The following SSH2 variants were observed in gnomAD, a reference collection of about 807,000 sequenced individuals.
SSH2 encodes the protein slingshot protein phosphatase 2.
A neutral mutation model predicts 135.2 loss-of-function variants in SSH2; 37 were observed. That is an observed-to-expected ratio of 0.27 (90% confidence interval 0.21 to 0.36). The LOEUF (loss-of-function observed/expected upper bound fraction) is 0.36, where lower values mean the gene tolerates loss of function less well. Among genes scored for constraint, SSH2 ranks in the 10% least tolerant of loss-of-function variants. SSH2 has a pLI of 1.00. For synonymous variants in SSH2, 628 were observed against 646.2 expected, an observed-to-expected ratio of 0.97 and a Z score of 0.43; for missense variants, 1,408 against 1,765.3, an observed-to-expected ratio of 0.80 and a Z score of 3.63.
intron 1 of SSH2, among the ~76,000 whole-genome samples, chr17:29,919,002 C>A (rs946895460): frequency 9.2e-5 from 14 of 151,804 alleles, no homozygotes; most frequent in Non-Finnish European, 2.1e-4. Context: ...GTTTGCTGAC[C>A]AATTCCCACT....
At chr17:29,912,573 G>GA (rs1344314261) in intron 1 of SSH2, among the ~76,000 whole-genome samples, 2 of 151,858 alleles carry the variant, frequency 1.3e-5, no homozygotes, top group Non-Finnish European at 2.9e-5. Context: ...CAAAAACTAA[G>GA]AAAAAATAGC....
intron 1 of SSH2, among the ~76,000 whole-genome samples, chr17:29,913,348 A>AAAAT (rs1491105093): frequency 7.3e-5 from 1 of 13,694 alleles, no homozygotes; most frequent in East Asian, 5.9e-3. Flanking sequence ...AAAAAAAAAA[A>AAAAT]TATATATATA....
intron 14 of SSH2, among the ~76,000 whole-genome samples, chr17:29,638,483 G>A (rs2036008687): frequency 6.7e-6 from 1 of 149,570 alleles, no homozygotes; most frequent in South Asian, 2.1e-4. Flanking sequence ...AAATACTTCT[G>A]GGGAAGGCTT....
intron 1 of SSH2, among the ~76,000 whole-genome samples, chr17:29,921,946 G>A (rs1180228605): frequency 6.6e-6 from 1 of 152,128 alleles, no homozygotes; most frequent in African/African-American, 2.4e-5. Flanking sequence ...AATAAAACAA[G>A]TACAGTAGAA....
chr17:29,816,271 G>C (rs1040032488), intron 2 of SSH2, among the ~76,000 whole-genome samples: 3 of 152,068 alleles, frequency 2.0e-5, no homozygotes, highest in African/African-American at 7.2e-5. Flanking sequence ...TTACTTAACG[G>C]GAAGTAATAT....
intron 3 of SSH2, chr17:29,775,893 T>C (rs1398251242): frequency 6.6e-6 from 1 of 152,190 alleles, no homozygotes; most frequent in Non-Finnish European, 1.5e-5. Context: ...TAGCAGGAAT[T>C]TGGATCATGA....
chr17:29,761,502 G>T, intron 3 of SSH2: 1 of 911,970 alleles, frequency 1.1e-6, no homozygotes, highest in Non-Finnish European at 1.3e-6. Flanking sequence ...AGAGCGGAGA[G>T]GGTAGGCCCG....
chr17:29,679,208 T>C (rs2037861558), intron 6 of SSH2, among the ~76,000 whole-genome samples: 1 of 151,954 alleles, frequency 6.6e-6, no homozygotes. Flanking sequence ...CTGGCTAGTC[T>C]CCGAAAGGCT....
intron 3 of SSH2, among the ~76,000 whole-genome samples, chr17:29,722,149 C>A (rs1039065030): frequency 3.9e-5 from 6 of 151,950 alleles, no homozygotes; most frequent in African/African-American, 1.2e-4. Context: ...GTGGCCGGCA[C>A]CTGTAATCCC....
chr17:29,902,092 C>T (rs1268322330), intron 1 of SSH2, among the ~76,000 whole-genome samples: 4 of 152,076 alleles, frequency 2.6e-5, no homozygotes, highest in Non-Finnish European at 5.9e-5. Context: ...TGGCCATGGG[C>T]TCTCTTTTTT....
intron 5 of SSH2, among the ~76,000 whole-genome samples, chr17:29,686,836 T>G (rs1471899478): frequency 1.3e-5 from 2 of 152,104 alleles, no homozygotes; most frequent in Non-Finnish European, 2.9e-5. Flanking sequence ...GCCTGGCTAA[T>G]TTTTGTATTT....
chr17:29,811,424 T>TA (rs1846396157), intron 2 of SSH2, among the ~76,000 whole-genome samples: 1 of 152,144 alleles, frequency 6.6e-6, no homozygotes, highest in African/African-American at 2.4e-5. Flanking sequence ...ATTGCAGTTT[T>TA]AAAAAATAAA....
chr17:29,850,870 A>T (rs956297512), intron 1 of SSH2, among the ~76,000 whole-genome samples: 20 of 152,182 alleles, frequency 1.3e-4, no homozygotes, highest in Non-Finnish European at 1.8e-4. Context: ...CTGCAGTCCC[A>T]CCTACTCGGG....
chr17:29,721,698 C>T (rs1457473877), intron 3 of SSH2, among the ~76,000 whole-genome samples: 1 of 152,042 alleles, frequency 6.6e-6, no homozygotes, highest in Non-Finnish European at 1.5e-5. Flanking sequence ...TCTACCAAAA[C>T]AAGGAAACAT....
At chr17:29,778,838 A>G (rs1484213119) in intron 3 of SSH2, among the ~76,000 whole-genome samples, 2 of 34,174 alleles carry the variant, frequency 5.9e-5, no homozygotes, top group African/African-American at 1.0e-3. Flanking sequence ...CGTCTCCCAA[A>G]AAAAAAAAAA....
intron 3 of SSH2, among the ~76,000 whole-genome samples, chr17:29,758,414 T>A (rs145181593): frequency 5.9e-5 from 9 of 152,298 alleles, no homozygotes; most frequent in African/African-American, 1.9e-4. Flanking sequence ...AAAAATTAGT[T>A]CATAAGGTTG....
intron 3 of SSH2, among the ~76,000 whole-genome samples, chr17:29,709,277 C>T (rs922408897): frequency 1.3e-5 from 2 of 152,090 alleles, no homozygotes; most frequent in Non-Finnish European, 2.9e-5. Flanking sequence ...AAAGCTTATG[C>T]TCCAAATCAT....
chr17:29,627,607 C>T lies in SSH2; in HGVS notation c.*3234G>A, dbSNP rs990987050. 8 of 152,564 alleles carry T rather than the reference C, an allele frequency of 5.2e-5. No homozygotes were observed. Among genetic ancestry groups the T allele is most frequent in the Admixed American group, 5.2e-4 (8 of 15,270 alleles). The allele number at this position is 152,564 out of a possible 1,614,324, so 9.5% of individuals were successfully genotyped here. ...AAGCCTCCTCAGAACCAGGAAAATA[C>T]TAAAGATCCTGAAGAGACTAAGATG... On this transcript the variant is annotated 3_prime_UTR_variant, in exon 16 of 16. Coordinates refer to ENST00000540801, the MANE Select transcript of SSH2 (RefSeq NM_001282129.2).
Position 29,676,875 on chromosome 17 carries a change from C to T in SSH2, c.559G>A (p.Val187Ile), listed in dbSNP as rs189106834. 1 of 1,613,746 alleles carries T rather than the reference C, an allele frequency of 6.2e-7. No individual in the cohort carries two copies. Among genetic ancestry groups the T allele is most frequent in the East Asian group, 2.2e-5 (1 of 44,848 alleles). Reference sequence around the variant, plus strand: ...ATGTGAACTCTGTTATCCGTCGATACACTGAACCCACTAAGGACAAATGAG... The same window carrying T: ...ATGTGAACTCTGTTATCCGTCGATATACTGAACCCACTAAGGACAAATGAG... ...IHLDGDGGFS[V>I]STDNRVHIFK... The change falls in exon 8 of 16, where the codon GTA (valine) becomes ATA (isoleucine). Residue 187 changes from valine (V) to isoleucine (I), a missense_variant. Val to Ile is a conservative substitution (Grantham distance 29). Around this residue, in one of 3 missense-constraint regions of SSH2, gnomAD observed 222 missense variants for 355.6 expected, o/e 0.62. Transcript: ENST00000540801.
Sources: gnomAD v4.1 joint callset for allele counts (sites outside exome capture counted in the v4.1 genomes callset) on GRCh38, gnomAD v4.1.1 for gene constraint, gnomAD v4.1.1 regional missense constraint, MANE v1.5 for transcripts, NCBI Gene and HGNC (gene_info 2026-07-23, HGNC 2026-07-21) for gene names.